Variants in OPA1 observed in about 807,000 individuals in gnomAD.
The protein encoded by OPA1 is OPA1 mitochondrial dynamin like GTPase, also known as dynamin-like GTPase OPA1, mitochondrial.
Under a neutral mutation model 152.9 loss-of-function variants are expected in OPA1, and 59 were observed. That is an observed-to-expected ratio of 0.39 (90% confidence interval 0.31 to 0.48). The LOEUF (loss-of-function observed/expected upper bound fraction) is 0.48. Ranked by LOEUF, OPA1 falls within the 20% of genes least tolerant of loss-of-function variation. OPA1 has a pLI of 0.96. For missense variants in OPA1, 1,008 were observed against 1,216.8 expected (o/e 0.83, Z 2.55); for synonymous variants, 400 against 389.9 (o/e 1.03, Z -0.31).
chr3:193,653,119 T>G (rs1712933311), intron 21 of OPA1, among the ~76,000 whole-genome samples: 1 of 152,160 alleles, frequency 6.6e-6, no homozygotes, highest in African/African-American at 2.4e-5. Context: ...CTGCTTTTCT[T>G]CATCTTGCTC....
intron 1 of OPA1, among the ~76,000 whole-genome samples, chr3:193,609,751 T>G (rs555143068): frequency 1.3e-5 from 2 of 152,316 alleles, no homozygotes; most frequent in African/African-American, 4.8e-5. Flanking sequence ...TTATTCTTTT[T>G]TCTCTAAACT....
chr3:193,641,837 G>C (rs1034361496), intron 11 of OPA1, among the ~76,000 whole-genome samples: 52 of 152,336 alleles, frequency 3.4e-4, no homozygotes, highest in African/African-American at 1.2e-3. Context: ...TTTCTTGGCT[G>C]GGTGCAGTGG....
chr3:193,642,023 G>A (rs1284900954), intron 11 of OPA1, among the ~76,000 whole-genome samples: 1 of 152,228 alleles, frequency 6.6e-6, no homozygotes, highest in Non-Finnish European at 1.5e-5. Context: ...GGCTGAGGCA[G>A]GAGAATCACC....
intron 29 of OPA1, among the ~76,000 whole-genome samples, chr3:193,669,902 A>G (rs1717540928): frequency 1.3e-5 from 2 of 152,234 alleles, no homozygotes; most frequent in African/African-American, 4.8e-5. Flanking sequence ...AAGCAGTCAT[A>G]TAACTCCCTT....
At chr3:193,597,342 T>C (rs1174309017) in intron 1 of OPA1, among the ~76,000 whole-genome samples, 1 of 152,076 alleles carries the variant, frequency 6.6e-6, no homozygotes, top group Non-Finnish European at 1.5e-5. Flanking sequence ...TTGAGCAAAA[T>C]GGCCATTGGA....
chr3:193,635,136 T>TA (rs1732741625), intron 8 of OPA1, among the ~76,000 whole-genome samples: 1 of 152,232 alleles, frequency 6.6e-6, no homozygotes, highest in South Asian at 2.1e-4. Context: ...TTTAAATTCT[T>TA]ACGTTTTCAC....
chr3:193,660,571 T>A (rs1715025338), intron 25 of OPA1, among the ~76,000 whole-genome samples: 1 of 151,084 alleles, frequency 6.6e-6, no homozygotes, highest in Non-Finnish European at 1.5e-5. Context: ...CAGTTAATTG[T>A]ATAATCTATA....
At chr3:193,645,688 T>C in intron 17 of OPA1, 40 bp from the exon 18 acceptor site, 1 of 1,604,722 alleles carries the variant, frequency 6.2e-7, no homozygotes, top group East Asian at 2.2e-5. Flanking sequence ...TAATAAAGAG[T>C]AATTTTCTTG....
At chr3:193,669,310 ATTC>A (rs1458109931) in intron 29 of OPA1, among the ~76,000 whole-genome samples, 3 of 152,050 alleles carry the variant, frequency 2.0e-5, no homozygotes, top group South Asian at 2.1e-4. Context: ...TCCTTTAAAT[ATTC>A]TTCTTTCGAG....
rs773463952 is a variant in OPA1, at chr3:193,643,402, A to G, written c.1335A>G (p.Gly445=). The G allele has an allele frequency of 6.2e-7, 1 of 1,611,616 alleles. No individual in the cohort carries two copies. ...TATCCTTAAATGTAAAAGGCCCTGG[A>G]CTACAGAGGATGGTGCTTGTTGACT... ...ETISLNVKGP[G]LQRMVLVDLP... is the part of the protein sequence containing the mutation. The change falls in exon 14 of 31, where the codon GGA becomes GGG. Residue 445 remains glycine, a synonymous_variant. Transcript: ENST00000361510.
At chr3:193,640,451 C>A (rs1386041854) in intron 11 of OPA1, among the ~76,000 whole-genome samples, 3 of 152,246 alleles carry the variant, frequency 2.0e-5, no homozygotes, top group Admixed American at 2.0e-4. Context: ...AACATAGAAA[C>A]CAGTCGTTGA....
chr3:193,635,330 C>A lies in OPA1; in HGVS notation c.844-88C>A. On this transcript the variant is annotated intron_variant, in intron 8 of 30. Coordinates refer to ENST00000361510, the MANE Select transcript of OPA1 (RefSeq NM_130837.3). ...ACATTTTAAATAGGAGATATGACTTCAAGATTTTGGAAGATTTTAATTTAG... is the reference window on the plus strand; with the variant it reads ...ACATTTTAAATAGGAGATATGACTTAAAGATTTTGGAAGATTTTAATTTAG... 8 of 795,828 alleles carry A rather than the reference C, an allele frequency of 1.0e-5. No homozygotes were observed. The South Asian group carries it at 1.2e-4, about 12-fold the overall frequency. The allele number at this position is 795,828 out of a possible 1,614,324, so 49.3% of individuals were successfully genotyped here.
intron 6 of OPA1, among the ~76,000 whole-genome samples, chr3:193,620,654 A>G (rs1729890005): frequency 6.6e-6 from 1 of 152,154 alleles, no homozygotes; most frequent in African/African-American, 2.4e-5. Context: ...CACATACTGA[A>G]TCTAGAGTTG....
At chr3:193,603,660 A>G (rs1344928320) in intron 1 of OPA1, 1 of 152,228 alleles carries the variant, frequency 6.6e-6, no homozygotes, top group East Asian at 1.9e-4. Context: ...TAGCTGTGTG[A>G]CATGTTCAGG....
intron 29 of OPA1, chr3:193,667,583 A>C: frequency 2.8e-6 from 1 of 359,274 alleles, no homozygotes; most frequent in Non-Finnish European, 5.4e-6. Context: ...AGGCAGGAGA[A>C]TGGTGTGAAC....
chr3:193,684,206 G>A (rs1375573758), intron 29 of OPA1, among the ~76,000 whole-genome samples: 4 of 152,072 alleles, frequency 2.6e-5, no homozygotes, highest in South Asian at 2.1e-4. Flanking sequence ...TTTCTCATGC[G>A]GGCTAACATG....
intron 13 of OPA1, 76 bp downstream of exon 13, chr3:193,643,125 G>T (rs1734027651): frequency 8.0e-7 from 1 of 1,245,144 alleles, no homozygotes; most frequent in South Asian, 1.2e-5. Context: ...CAAAATCTAG[G>T]TATTGATGTT....
chr3:193,648,784 A>G lies in OPA1; in HGVS notation c.1936-11A>G, dbSNP rs568049619. 2 of 1,538,654 alleles carry G rather than the reference A, an allele frequency of 1.3e-6. No individual in the cohort carries two copies. Among genetic ancestry groups the G allele is most frequent in the African/African-American group, 1.4e-5 (1 of 73,462 alleles). Reference sequence around the variant, plus strand: ...ATGGAAATCTTACTTACTTGTATTTATATTGCCTAGAATGAACTATTTGAA... The same window carrying G: ...ATGGAAATCTTACTTACTTGTATTTGTATTGCCTAGAATGAACTATTTGAA... On this transcript the variant is annotated splice_polypyrimidine_tract_variant and intron_variant, in intron 20 of 30. Coordinates refer to ENST00000361510, the MANE Select transcript of OPA1 (RefSeq NM_130837.3).
intron 5 of OPA1, chr3:193,618,658 A>C: frequency 1.8e-6 from 1 of 546,980 alleles, no homozygotes. Context: ...GGTTAAACAT[A>C]TGCTGCGATT....
Sources: gnomAD v4.1 joint callset for allele counts (sites outside exome capture counted in the v4.1 genomes callset) on GRCh38, gnomAD v4.1.1 for gene constraint, MANE v1.5 for transcripts, NCBI Gene and HGNC (gene_info 2026-07-23, HGNC 2026-07-21) for gene names.